The following MPRIP variants were observed in gnomAD, a reference collection of about 807,000 sequenced individuals.
The protein encoded by MPRIP is myosin phosphatase Rho-interacting protein.
Under a neutral mutation model 234.9 loss-of-function variants are expected in MPRIP, and 59 were observed. The observed-to-expected ratio is 0.25, with a 90% CI of 0.20 to 0.31. MPRIP has a LOEUF of 0.31. MPRIP is among the 10% of genes least tolerant of loss of function. The probability of loss-of-function intolerance (pLI) is 1.00; values close to 1 mark genes in which losing one functional copy is unlikely to be tolerated. For missense variants in MPRIP, 2,436 were observed against 3,071.0 expected (o/e 0.79, Z 4.89); for synonymous variants, 1,144 against 1,263.9 (o/e 0.91, Z 2.01).
intron 1 of MPRIP, among the ~76,000 whole-genome samples, chr17:17,048,213 G>A (rs917809149): frequency 1.3e-5 from 2 of 152,042 alleles, no homozygotes; most frequent in Non-Finnish European, 2.9e-5. Context: ...AAATGAGCTC[G>A]GTCTTGATCT....
Position 17,189,675 on chromosome 17 carries a change from C to T in MPRIP, c.*4781C>T, listed in dbSNP as rs1257318376. 2 of 152,162 alleles carry T rather than the reference C, an allele frequency of 1.3e-5. No homozygotes were observed. Among genetic ancestry groups the T allele is most frequent in the African/African-American group, 2.4e-5 (1 of 41,420 alleles). The allele number at this position is 152,162 out of a possible 1,614,324, so 9.4% of individuals were successfully genotyped here. On this transcript the variant is annotated 3_prime_UTR_variant, in exon 24 of 24. Transcript: ENST00000651222. ...GCTTCACTTTCCTGGGAACTTCATT[C>T]GTTTTAGGGCATGAGATAAAAGTCC...
chr17:17,129,382 C>T (rs554633605), intron 4 of MPRIP, among the ~76,000 whole-genome samples: 1 of 152,210 alleles, frequency 6.6e-6, no homozygotes, highest in Non-Finnish European at 1.5e-5. Context: ...CTCCTCTCTT[C>T]TTGGGGTTTG....
At chr17:17,152,398 C>T (rs2045622678) in intron 12 of MPRIP, among the ~76,000 whole-genome samples, 1 of 152,250 alleles carries the variant, frequency 6.6e-6, no homozygotes. Context: ...ATGAGGGCAT[C>T]AGCCACTCTC....
Position 17,184,754 on chromosome 17 carries a change from T to C in MPRIP, c.7207-69T>C, listed in dbSNP as rs2144729275. ...CGGCTCCACCAGCGGTCCGGTCTGG[T>C]CCGGTCCGGTCCAGTGCAGGGGGTC... On this transcript the variant is annotated intron_variant, in intron 23 of 23. Coordinates refer to ENST00000651222, the MANE Select transcript of MPRIP (RefSeq NM_001364716.4). 8 of 1,245,056 alleles carry C rather than the reference T, an allele frequency of 6.4e-6. No homozygotes were observed. In the South Asian group the frequency reaches 8.4e-5, roughly 13 times the overall value. 77.1% of individuals were successfully genotyped at this position (1,245,056 alleles called of 1,614,324 possible).
In MPRIP at chr17:17,180,811, G is replaced by C. The variant is rs73979097; in HGVS notation, c.7206+723G>C. 14,851 of 843,350 alleles carry C rather than the reference G, an allele frequency of 0.018. 1,148 individuals are homozygous for C. The African/African-American group carries it at 0.19, about 11-fold the overall frequency. 52.2% of individuals were successfully genotyped at this position (843,350 alleles called of 1,614,324 possible). A position where few individuals can be genotyped will look rare whatever the true frequency, so the allele number is the denominator to read the frequency against. On this transcript the variant is annotated intron_variant, in intron 23 of 23. Coordinates refer to ENST00000651222, the MANE Select transcript of MPRIP (RefSeq NM_001364716.4). ...TGAGGTTTCTTTAACCTGCTCTGGGGAGTTAATTGGCACTCTAACCTCTTA... is the reference window on the plus strand; with the variant it reads ...TGAGGTTTCTTTAACCTGCTCTGGGCAGTTAATTGGCACTCTAACCTCTTA...
chr17:17,104,525 C>T (rs564509043), intron 3 of MPRIP, among the ~76,000 whole-genome samples: 5 of 152,302 alleles, frequency 3.3e-5, no homozygotes, highest in African/African-American at 7.2e-5. Flanking sequence ...GACCAGTCCA[C>T]GGCTGTGTTC....
chr17:17,127,881 G>A (rs1279752377), intron 4 of MPRIP, among the ~76,000 whole-genome samples: 3 of 152,330 alleles, frequency 2.0e-5, no homozygotes, highest in Admixed American at 6.5e-5. Context: ...GGGCCACATG[G>A]CAAGGCGTCC....
intron 2 of MPRIP, chr17:17,077,807 G>A: frequency 1.8e-6 from 1 of 564,568 alleles, no homozygotes; most frequent in South Asian, 2.1e-5. Context: ...CATGTGATTT[G>A]GGCCTGTCTC....
chr17:17,153,958 C>T (rs2045667392), intron 12 of MPRIP, among the ~76,000 whole-genome samples: 1 of 152,192 alleles, frequency 6.6e-6, no homozygotes, highest in South Asian at 2.1e-4. Flanking sequence ...TTCTGCCCTT[C>T]CCCCGAGGCT....
Position 17,185,372 on chromosome 17 carries a change from T to C in MPRIP, c.*478T>C. 2.5e-6 allele frequency: 1 copy of C among 394,332 alleles called. No individual in the cohort carries two copies. Among genetic ancestry groups the C allele is most frequent in the South Asian group, 1.9e-5 (1 of 53,020 alleles). 24.4% of individuals were successfully genotyped at this position (394,332 alleles called of 1,614,324 possible). A position where few individuals can be genotyped will look rare whatever the true frequency, so the allele number is the denominator to read the frequency against. On this transcript the variant is annotated 3_prime_UTR_variant, in exon 24 of 24. Transcript: ENST00000651222. The stretch of plus-strand genomic sequence containing the variant: ...GTCACAGCACTGACTCCTCACCCGC[T>C]AGTCTGGCTGTTAAGAGGAGAAAGT...
chr17:17,120,939 G>A (rs2090377043), intron 3 of MPRIP, among the ~76,000 whole-genome samples: 1 of 152,184 alleles, frequency 6.6e-6, no homozygotes, highest in African/African-American at 2.4e-5. Flanking sequence ...CTAGGCAGAG[G>A]CAGGGGAGGG....
chr17:17,055,037 G>A (rs2088651399), intron 1 of MPRIP, among the ~76,000 whole-genome samples: 1 of 150,078 alleles, frequency 6.7e-6, no homozygotes. Context: ...GTAATAGAAC[G>A]AGACCCTGTA....
chr17:17,073,088 CA>C (rs2089237798), intron 1 of MPRIP, among the ~76,000 whole-genome samples: 1 of 152,152 alleles, frequency 6.6e-6, no homozygotes, highest in South Asian at 2.1e-4. Context: ...TGGCTGTCAC[CA>C]ACCCCTTCCG....
intron 3 of MPRIP, among the ~76,000 whole-genome samples, chr17:17,099,425 T>A (rs1328108698): frequency 3.9e-5 from 6 of 152,218 alleles, no homozygotes; most frequent in Admixed American, 2.6e-4. Flanking sequence ...CTACTAAGAG[T>A]CCTTAAAGTG....
chr17:17,077,693 ATCAG>A, intron 2 of MPRIP: 3 of 335,486 alleles, frequency 8.9e-6, no homozygotes, highest in Non-Finnish European at 1.7e-5. Context: ...GCTGAGCACC[ATCAG>A]GAATACAAAA....
chr17:17,143,544 T>G lies in MPRIP; in HGVS notation c.1390-12T>G, dbSNP rs2045378770. 6.4e-7 allele frequency: 1 copy of G among 1,572,538 alleles called. No individual in the cohort carries two copies. The highest frequency in any genetic ancestry group is 1.8e-5 in the Admixed American group (1 of 57,022). ...CTGGGCTGCACTGACCAGCGGCTGC[T>G]CTCTGCCACAGGACTTCACCAATGA... On this transcript the variant is annotated splice_polypyrimidine_tract_variant and intron_variant, in intron 8 of 23. Transcript: ENST00000651222.
At chr17:17,082,468 T>C (rs930996169) in intron 3 of MPRIP, among the ~76,000 whole-genome samples, 1 of 151,794 alleles carries the variant, frequency 6.6e-6, no homozygotes, top group Non-Finnish European at 1.5e-5. Flanking sequence ...GCTAATTTTG[T>C]ATTTTTAGTA....
intron 1 of MPRIP, among the ~76,000 whole-genome samples, chr17:17,062,079 C>T (rs1012486413): frequency 1.3e-4 from 20 of 151,938 alleles, no homozygotes; most frequent in African/African-American, 4.4e-4. Flanking sequence ...GGCCACACAT[C>T]GAGTAGGTGG....
In MPRIP at chr17:17,165,601, G is replaced by T. The variant is rs1027073460; in HGVS notation, c.4010G>T (p.Gly1337Val). 5.4e-6 allele frequency: 7 copies of T among 1,304,848 alleles called. No individual in the cohort carries two copies. Among genetic ancestry groups the T allele is most frequent in the Middle Eastern group, 2.1e-4 (1 of 4,704 alleles). 80.8% of individuals were successfully genotyped at this position (1,304,848 alleles called of 1,614,324 possible). A position where few individuals can be genotyped will look rare whatever the true frequency, so the allele number is the denominator to read the frequency against. ...IQCQRYIHPE[G>V]SEKTWTSSTS... ...TGCCAAAGATACATTCACCCCGAAG[G>T]GTCTGAGAAGACCTGGACCAGCAGC... is the stretch of plus-strand genomic sequence containing the variant. The change falls in exon 16 of 24, where the codon GGG (glycine) becomes GTG (valine). Residue 1337 changes from glycine to valine, a missense_variant. Physicochemically the swap from Gly to Val is moderately radical, Grantham distance 109. Around this residue, in one of 4 missense-constraint regions of MPRIP, gnomAD observed 1,998 missense variants for 2,520.3 expected, o/e 0.79. Coordinates refer to ENST00000651222, the MANE Select transcript of MPRIP (RefSeq NM_001364716.4).
Sources: gnomAD v4.1 joint callset for allele counts (sites outside exome capture counted in the v4.1 genomes callset) on GRCh38, gnomAD v4.1.1 for gene constraint, gnomAD v4.1.1 regional missense constraint, MANE v1.5 for transcripts, NCBI Gene and HGNC (gene_info 2026-07-23, HGNC 2026-07-21) for gene names.